IGFN1: variants seen among roughly 807,000 people sequenced by gnomAD.
IGFN1 encodes immunoglobulin-like and fibronectin type III domain-containing protein 1.
A neutral mutation model predicts 289.5 loss-of-function variants in IGFN1; 253 were observed. The ratio of observed to expected loss-of-function variants is 0.87; its 90% CI spans 0.79 to 0.97. The LOEUF is 0.97. IGFN1 is among the 50% of genes least tolerant of loss of function. The probability of loss-of-function intolerance (pLI) is 0.00; values close to 1 mark genes in which losing one functional copy is unlikely to be tolerated. For synonymous variants in IGFN1, 1,706 were observed against 1,788.5 expected, an observed-to-expected ratio of 0.95 and a Z score of 1.16; for missense variants, 4,470 against 4,686.1, an observed-to-expected ratio of 0.95 and a Z score of 1.35.
rs267598297 is a variant in IGFN1, at chr1:201,215,028, G to C, written c.8869G>C (p.Gly2957Arg). 6.8e-6 allele frequency: 11 copies of C among 1,613,980 alleles called. No homozygotes were observed. The highest frequency in any genetic ancestry group is 8.5e-6 in the Non-Finnish European group (10 of 1,179,962). ...CTGTCTCCAGCTCACCACCCAGGAT[G>C]GAGTCATCTTTAAGCAAGACGGTCT... ...KDGVKLTTQD[G>R]VIFKQDGLVH... The change falls in exon 14 of 24, where the codon GGA becomes CGA. Residue 2957 changes from glycine to arginine, a missense_variant. Physicochemically the swap from Gly to Arg is moderately radical, Grantham distance 125. Transcript: ENST00000335211.
chr1:201,221,595 G>A lies in IGFN1; in HGVS notation c.10050G>A (p.Pro3350=), dbSNP rs758199864. ...GCTCAGACAGTCTCCAGTGGCTCCC[G>A]TGCCATGTGGGCACCGTGCCAGTCA... ...LCSSDSLQWL[P]CHVGTVPVTT... Residue 3350 remains proline, a synonymous_variant, in exon 19 of 24, where the codon CCG becomes CCA. Transcript: ENST00000335211. 24 of 1,613,798 alleles carry A rather than the reference G, an allele frequency of 1.5e-5. No individual in the cohort carries two copies. The Middle Eastern group carries it at 4.9e-4, about 33-fold the overall frequency.
In IGFN1 at chr1:201,211,874, G is replaced by A. The variant is rs891081279; in HGVS notation, c.6981G>A (p.Gly2327=). ...WNEAGSRQGF[G]GTSGMGSGSE... ...AGGCAGGTTCTAGGCAAGGCTTTGG[G>A]GGAACTAGTGGCATGGGGTCAGGGA... Residue 2327 remains glycine (G), a synonymous_variant, in exon 12 of 24, where the codon GGG becomes GGA. Transcript: ENST00000335211. The A allele has an allele frequency of 6.5e-7, 1 of 1,533,004 alleles. No homozygotes were observed. The highest frequency in any genetic ancestry group is 8.7e-7 in the Non-Finnish European group (1 of 1,144,558). The allele number at this position is 1,533,004 out of a possible 1,614,324, so 95.0% of individuals were successfully genotyped here. A position where few individuals can be genotyped will look rare whatever the true frequency, so the allele number is the denominator to read the frequency against.
intron 18 of IGFN1, among the ~76,000 whole-genome samples, chr1:201,219,415 A>T (rs546313666): frequency 5.8e-4 from 88 of 152,372 alleles, no homozygotes; most frequent in Non-Finnish European, 1.2e-4. Flanking sequence ...ACATTCTGAG[A>T]ACAGGAACAG....
At position 201,211,827 on chromosome 1, in the gene IGFN1, G is replaced by A. The variant is rs1294014060; in HGVS notation, c.6934G>A (p.Gly2312Arg). The change falls in exon 12 of 24, where the codon GGG becomes AGG. Residue 2312 changes from glycine to arginine, a missense_variant. By Grantham distance (125) the Gly-to-Arg change is moderately radical (BLOSUM62 -2). Around this residue, in one of 8 missense-constraint regions of IGFN1, gnomAD observed 2,218 missense variants for 2,114.1 expected, o/e 1.05. Coordinates refer to ENST00000335211, the MANE Select transcript of IGFN1 (RefSeq NM_001164586.2). ...AGSRGSLEDSGYILSWNEAGS... is the reference protein window; with the variant it reads ...AGSRGSLEDSRYILSWNEAGS... Reference sequence around the variant, plus strand: ...TTCTAGGGGTAGTTTGGAGGATTCTGGGTACATTTTGTCATGGAATGAGGC... The same window carrying A: ...TTCTAGGGGTAGTTTGGAGGATTCTAGGTACATTTTGTCATGGAATGAGGC... The A allele has an allele frequency of 1.3e-6, 2 of 1,536,616 alleles. No homozygotes were observed. Among genetic ancestry groups the A allele is most frequent in the Admixed American group, 2.0e-5 (1 of 50,948 alleles).
At position 201,208,421 on chromosome 1, in the gene IGFN1, T is replaced by G. The variant is rs988464438; in HGVS notation, c.3528T>G (p.Ser1176=). The G allele has an allele frequency of 1.4e-6, 2 of 1,447,106 alleles. No homozygotes were observed. Among genetic ancestry groups the G allele is most frequent in the Non-Finnish European group, 9.0e-7 (1 of 1,107,334 alleles). 89.6% of individuals were successfully genotyped at this position (1,447,106 alleles called of 1,614,324 possible). A position where few individuals can be genotyped will look rare whatever the true frequency, so the allele number is the denominator to read the frequency against. The part of the protein sequence containing the change: ...DGTRCPGAKA[S]GAGAGYRDDT... Reference sequence around the variant, plus strand: ...CAAGATGCCCTGGTGCTAAGGCCTCTGGAGCTGGAGCTGGTTATAGGGATG... The same window carrying G: ...CAAGATGCCCTGGTGCTAAGGCCTCGGGAGCTGGAGCTGGTTATAGGGATG... Residue 1176 remains serine, a synonymous_variant, in exon 12 of 24, where the codon TCT becomes TCG. Transcript: ENST00000335211.
intron 5 of IGFN1, among the ~76,000 whole-genome samples, chr1:201,198,176 C>T (rs778028919): frequency 2.6e-5 from 4 of 152,192 alleles, no homozygotes; most frequent in African/African-American, 4.8e-5. Context: ...TGCTCCATCG[C>T]GTAGGCTGGA....
rs569768573 is a variant in IGFN1 at position 201,195,757 on chromosome 1, G to A, written c.128-82G>A. 2.4e-4 allele frequency: 335 copies of A among 1,380,522 alleles called. 1 individual carries two copies. Among genetic ancestry groups the A allele is most frequent in the Middle Eastern group, 1.9e-4 (1 of 5,260 alleles). 85.5% of individuals were successfully genotyped at this position (1,380,522 alleles called of 1,614,324 possible). A position where few individuals can be genotyped will look rare whatever the true frequency, so the allele number is the denominator to read the frequency against. ...GTTGAAATACCTAGATGAGGAAGAC[G>A]ATATAAATTAAAATTTAAATAAAGT... On this transcript the variant is annotated intron_variant, in intron 3 of 23. Transcript: ENST00000335211.
chr1:201,201,171 A>G (rs1019720725), intron 8 of IGFN1, among the ~76,000 whole-genome samples: 5 of 152,212 alleles, frequency 3.3e-5, no homozygotes, highest in African/African-American at 1.2e-4. Flanking sequence ...AGGGAATTTC[A>G]CAGTTCCCAT....
At position 201,206,510 on chromosome 1, in the gene IGFN1, A is replaced by C. The variant is rs1382104868; in HGVS notation, c.1617A>C (p.Gln539His). The C allele has an allele frequency of 6.4e-7, 1 of 1,551,382 alleles. No homozygotes were observed. Among genetic ancestry groups the C allele is most frequent in the South Asian group, 1.2e-5 (1 of 84,058 alleles). Residue 539 changes from glutamine (Q) to histidine (H), a missense_variant, in exon 12 of 24, where the codon CAA becomes CAC. By Grantham distance (24) the Gln-to-His change is conservative. Transcript: ENST00000335211. ...SESGLGLPEK[Q>H]QQDRGRDSNS... ...CAGGGTTGGGCCTCCCAGAAAAACA[A>C]CAGCAAGATCGTGGCAGAGACAGCA...
Position 201,209,431 on chromosome 1 carries a change from A to G in IGFN1, c.4538A>G (p.Tyr1513Cys), listed in dbSNP as rs533295166. ...EGGGSGSKAG[Y>C]RGGLGSGEMG... The stretch of plus-strand genomic sequence containing the variant: ...GGGGGTTCAGGGAGCAAAGCAGGTT[A>G]TAGGGGTGGCTTAGGTTCTGGGGAA... The change falls in exon 12 of 24, where the codon TAT becomes TGT. Residue 1513 changes from tyrosine to cysteine, a missense_variant. By Grantham distance (194) the Tyr-to-Cys change is radical (BLOSUM62 -2). Around this residue, in one of 8 missense-constraint regions of IGFN1, gnomAD observed 2,011 missense variants for 1,953.4 expected, o/e 1.03. Coordinates refer to ENST00000335211, the MANE Select transcript of IGFN1 (RefSeq NM_001164586.2). 239 of 1,532,816 alleles carry G rather than the reference A, an allele frequency of 1.6e-4. 1 individual carries two copies. In the Middle Eastern group the frequency reaches 2.7e-3, roughly 17 times the overall value. 95.0% of individuals were successfully genotyped at this position (1,532,816 alleles called of 1,614,324 possible). A position where few individuals can be genotyped will look rare whatever the true frequency, so the allele number is the denominator to read the frequency against.
rs1368938001 is a variant in IGFN1, at chr1:201,221,699, GCCAGC to G, written c.10159_10163del (p.Pro3387CysfsTer42). ...ACAGCAGTTAATGAAGGAGGCCAGA[GCCAGC>G]CCAGTGCCCTGGACACATTAGTGCA... On this transcript the variant is annotated frameshift_variant, in exon 19 of 24. Transcript: ENST00000335211. LOFTEE classifies it high-confidence loss of function. 2 of 1,612,690 alleles carry G rather than the reference GCCAGC, an allele frequency of 1.2e-6. No homozygotes were observed. The highest frequency in any genetic ancestry group is 2.7e-5 in the African/African-American group (2 of 74,938).
Position 201,206,178 on chromosome 1 carries a change from G to C in IGFN1, c.1285G>C (p.Glu429Gln). The C allele has an allele frequency of 1.3e-6, 2 of 1,550,318 alleles. No individual in the cohort carries two copies. Among genetic ancestry groups the C allele is most frequent in the Non-Finnish European group, 1.7e-6 (2 of 1,146,774 alleles). The change falls in exon 12 of 24, where the codon GAG becomes CAG. Residue 429 changes from glutamate to glutamine, a missense_variant. Around this residue, in one of 8 missense-constraint regions of IGFN1, gnomAD observed 2,011 missense variants for 1,953.4 expected, o/e 1.03. Coordinates refer to ENST00000335211, the MANE Select transcript of IGFN1 (RefSeq NM_001164586.2). ...AGGAGCAGAAGAGTCTGGGAGCATC[G>C]AGAGCCAGGGAGAGAAATCCAGAGA... ...ASGAEESGSI[E>Q]SQGEKSREQG...
chr1:201,199,413 T>G, intron 6 of IGFN1, 35 bp downstream of exon 6: 1 of 1,544,486 alleles, frequency 6.5e-7, no homozygotes, highest in Non-Finnish European at 8.8e-7. Context: ...CTTGGGGGCC[T>G]GTGGGGGATA....
Position 201,208,654 on chromosome 1 carries a change from A to G in IGFN1, c.3761A>G (p.Asp1254Gly). The G allele has an allele frequency of 2.0e-6, 3 of 1,535,144 alleles. No homozygotes were observed. Among genetic ancestry groups the G allele is most frequent in the African/African-American group, 1.4e-5 (1 of 73,006 alleles). ...TGPGGEAGFR[D>G]GSGGLQGMGS... ...CCAGGGGGTGAGGCAGGCTTTAGAG[A>G]TGGTTCAGGAGGCCTCCAAGGAATG... The change falls in exon 12 of 24, where the codon GAT becomes GGT. Residue 1254 changes from aspartate to glycine, a missense_variant. Physicochemically the swap from Asp to Gly is moderately conservative, Grantham distance 94. Transcript: ENST00000335211.
At chr1:201,201,612 T>A in intron 8 of IGFN1, 107 bp from the exon 9 acceptor site, 1 of 634,488 alleles carries the variant, frequency 1.6e-6, no homozygotes, top group South Asian at 1.9e-5. Flanking sequence ...TGCATGCTCA[T>A]CTGGAACGCT....
chr1:201,226,251 A>G (rs1391574445), intron 22 of IGFN1, 128 bp downstream of exon 22: 1 of 1,099,356 alleles, frequency 9.1e-7, no homozygotes, highest in East Asian at 3.0e-5. Context: ...AGCATGCCAA[A>G]TAACAGCCAG....
At position 201,200,239 on chromosome 1, in the gene IGFN1, C is replaced by T. The variant is rs1667089550; in HGVS notation, c.461C>T (p.Ala154Val). The change falls in exon 8 of 24, where the codon GCC (alanine) becomes GTC (valine). Residue 154 changes from alanine (A) to valine (V), a missense_variant and splice_region_variant. Ala to Val is a moderately conservative substitution (Grantham distance 64). Coordinates refer to ENST00000335211, the MANE Select transcript of IGFN1 (RefSeq NM_001164586.2). ...MDFRKLLKKR[A>V]PPAPKKKMDL... Reference sequence around the variant, plus strand: ...GACCTGCTAGCCTTGCTCCCCAGGGCCCCACCAGCCCCCAAGAAAAAGATG... The same window carrying T: ...GACCTGCTAGCCTTGCTCCCCAGGGTCCCACCAGCCCCCAAGAAAAAGATG... 1.3e-6 allele frequency: 2 copies of T among 1,550,980 alleles called. No homozygotes were observed. The highest frequency in any genetic ancestry group is 1.7e-6 in the Non-Finnish European group (2 of 1,146,630).
chr1:201,227,307 C>A, intron 23 of IGFN1, 99 bp downstream of exon 23: 1 of 933,840 alleles, frequency 1.1e-6, no homozygotes, highest in Non-Finnish European at 1.6e-6. Context: ...AGGGATTCAG[C>A]CGGGAGTCAG....
At chr1:201,221,337 TA>T (rs1653705262) in intron 18 of IGFN1, 106 bp from the exon 19 acceptor site, 2 of 872,798 alleles carry the variant, frequency 2.3e-6, no homozygotes, top group Admixed American at 6.3e-5. Context: ...GCAGAATTGC[TA>T]AGTGAAAACA....
Sources: gnomAD v4.1 joint callset for allele counts (sites outside exome capture counted in the v4.1 genomes callset) on GRCh38, gnomAD v4.1.1 for gene constraint, gnomAD v4.1.1 regional missense constraint, MANE v1.5 for transcripts, NCBI Gene and HGNC (gene_info 2026-07-23, HGNC 2026-07-21) for gene names.